Variants in WLS observed in about 807,000 individuals in gnomAD.
The protein encoded by WLS is Wnt ligand secretion mediator, also known as protein wntless homolog.
A neutral mutation model predicts 62.8 loss-of-function variants in WLS; 23 were observed. That is an observed-to-expected ratio of 0.37 (90% CI 0.26 to 0.52). The LOEUF (loss-of-function observed/expected upper bound fraction) is 0.52. Ranked by LOEUF, WLS falls within the 20% of genes least tolerant of loss-of-function variation. WLS has a pLI of 0.92. For missense variants in WLS, 615 were observed against 697.3 expected (o/e 0.88, Z 1.33); for synonymous variants, 246 against 244.1 (o/e 1.01, Z -0.07).
In WLS at chr1:68,134,821, A is replaced by G. The variant is rs997774602; in HGVS notation, c.1516+2959T>C. On this transcript the variant is annotated intron_variant, in intron 11 of 11. Transcript: ENST00000262348. ...GAGGAAGAGTGAAGTGCTTTTCTCA[A>G]TTGCAACATTTCAAGCCTAGGAGAC... Among the ~76,000 whole-genome samples, 48 of 152,186 alleles carry G rather than the reference A, an allele frequency of 3.2e-4. 1 individual carries two copies. The highest frequency in any genetic ancestry group is 3.0e-3 in the Admixed American group (46 of 15,288).
intron 1 of WLS, among the ~76,000 whole-genome samples, chr1:68,211,078 G>A (rs1340780788): frequency 6.6e-6 from 1 of 152,204 alleles, no homozygotes; most frequent in Non-Finnish European, 1.5e-5. Context: ...GACAGTTAGA[G>A]TAACAGTTGA....
intron 10 of WLS, 161 bp from the exon 11 acceptor site, chr1:68,138,094 T>C: frequency 1.2e-6 from 1 of 862,938 alleles, no homozygotes; most frequent in South Asian, 1.9e-5. Context: ...ATCATTTCGG[T>C]GTAAATTAAG....
At chr1:68,122,248 C>T (rs200212338), downstream of WLS, among the ~76,000 whole-genome samples, 2 of 152,178 alleles carry the variant, frequency 1.3e-5, no homozygotes, top group East Asian at 3.9e-4. Flanking sequence ...CCTCCCCTGA[C>T]ATTTCTCTTG....
At chr1:68,112,110 C>T (rs1646235451) in intron 11 of WLS, among the ~76,000 whole-genome samples, 2 of 152,218 alleles carry the variant, frequency 1.3e-5, no homozygotes, top group South Asian at 2.1e-4. Flanking sequence ...CCAACTGGGT[C>T]AGCGCCAGCC....
intron 10 of WLS, among the ~76,000 whole-genome samples, chr1:68,143,380 G>C (rs1646712346): frequency 6.6e-6 from 1 of 152,170 alleles, no homozygotes; most frequent in African/African-American, 2.4e-5. Context: ...CAAGCTTCTT[G>C]CTATTCATAA....
At chr1:68,195,953 A>C (rs1406068727) in intron 1 of WLS, among the ~76,000 whole-genome samples, 1 of 151,934 alleles carries the variant, frequency 6.6e-6, no homozygotes, top group Non-Finnish European at 1.5e-5. Context: ...TATCACTGTT[A>C]ATCTTTATGT....
intron 11 of WLS, among the ~76,000 whole-genome samples, chr1:68,128,777 C>T (rs1017911057): frequency 2.0e-5 from 3 of 152,168 alleles, no homozygotes; most frequent in African/African-American, 7.2e-5. Context: ...GCACTTAATT[C>T]TCATAGCAGT....
At chr1:68,157,456 C>T (rs1646914981) in intron 3 of WLS, among the ~76,000 whole-genome samples, 1 of 152,216 alleles carries the variant, frequency 6.6e-6, no homozygotes, top group South Asian at 2.1e-4. Context: ...AGTCCTGCCT[C>T]TGCCAGTATT....
intron 5 of WLS, 140 bp from the exon 6 acceptor site, chr1:68,150,496 G>T: frequency 1.7e-6 from 2 of 1,165,310 alleles, no homozygotes; most frequent in East Asian, 2.5e-5. Context: ...TCTGCACAGA[G>T]ATGCAAAACG....
At chr1:68,171,577 G>A (rs1647154340) in intron 2 of WLS, among the ~76,000 whole-genome samples, 1 of 152,156 alleles carries the variant, frequency 6.6e-6, no homozygotes, top group Admixed American at 6.5e-5. Context: ...CATCATCACT[G>A]GTCATCAGAG....
rs145636375 is a variant in WLS at position 68,111,540 on chromosome 1, G to A, written c.1511-12787C>T. ...GATTTTTTTGGTTGTCACAAGGACT[G>A]GGGGACCCTGCTGGCTAAATATCCT... On this transcript the variant is annotated intron_variant, in intron 11 of 11. Transcript: ENST00000354777. Among the ~76,000 whole-genome samples, 947 of 152,286 alleles carry A rather than the reference G, an allele frequency of 6.2e-3. 8 individuals carry two copies. The highest frequency in any genetic ancestry group is 0.022 in the African/African-American group (894 of 41,558).
chr1:68,121,971 A>T (rs1646368955), downstream of WLS, among the ~76,000 whole-genome samples: 1 of 152,140 alleles, frequency 6.6e-6, no homozygotes, highest in Non-Finnish European at 1.5e-5. Flanking sequence ...AAAACCTTCT[A>T]TTTCCTCTTT....
At chr1:68,112,933 G>C (rs1006023796) in intron 11 of WLS, among the ~76,000 whole-genome samples, 6 of 152,222 alleles carry the variant, frequency 3.9e-5, no homozygotes, top group African/African-American at 7.2e-5. Flanking sequence ...CCCTGCCTAG[G>C]TTGGCAGTGA....
chr1:68,177,790 A>C (rs1647324549), intron 2 of WLS, among the ~76,000 whole-genome samples: 2 of 152,144 alleles, frequency 1.3e-5, no homozygotes. Context: ...CACTGCGCCC[A>C]GCCAACTATT....
chr1:68,194,122 C>T lies in WLS; in HGVS notation c.212G>A (p.Cys71Tyr). 14 of 1,614,162 alleles carry T rather than the reference C, an allele frequency of 8.7e-6. No individual in the cohort carries two copies. Among genetic ancestry groups the T allele is most frequent in the Non-Finnish European group, 1.1e-5 (13 of 1,180,034 alleles). ...CTCTTCAATGTCTCGGATCTTGTCA[C>T]AATGATTGGGTCCCCAAGGCACGAA... is the stretch of plus-strand genomic sequence containing the variant. ...KWFVPWGPNH[C>Y]DKIRDIEEAI... Residue 71 changes from cysteine (C) to tyrosine (Y), a missense_variant, in exon 2 of 12, where the codon TGT (cysteine) becomes TAT (tyrosine). Physicochemically the swap from Cys to Tyr is radical, Grantham distance 194. Coordinates refer to ENST00000262348, the MANE Select transcript of WLS (RefSeq NM_024911.7).
At chr1:68,105,599 G>GA (rs1279108145) in intron 11 of WLS, among the ~76,000 whole-genome samples, 1 of 152,112 alleles carries the variant, frequency 6.6e-6, no homozygotes, top group African/African-American at 2.4e-5. Context: ...AAACCCAAAT[G>GA]AAAAAGGCAT....
intron 2 of WLS, among the ~76,000 whole-genome samples, chr1:68,177,850 G>A (rs1377551004): frequency 1.3e-5 from 2 of 152,180 alleles, no homozygotes; most frequent in African/African-American, 2.4e-5. Context: ...CTATGTAAAA[G>A]CCTCACATAC....
intron 2 of WLS, among the ~76,000 whole-genome samples, chr1:68,169,521 C>T (rs1647114935): frequency 6.6e-6 from 1 of 152,144 alleles, no homozygotes; most frequent in African/African-American, 2.4e-5. Flanking sequence ...CCAGATTTCC[C>T]TCTTGATATT....
chr1:68,220,589 A>C (rs1428960196), intron 1 of WLS, among the ~76,000 whole-genome samples: 3 of 152,232 alleles, frequency 2.0e-5, no homozygotes, highest in Non-Finnish European at 4.4e-5. Context: ...ACCACATTCC[A>C]TCAGTTATTA....
Sources: allele counts gnomAD v4.1 joint callset (sites outside exome capture counted in the v4.1 genomes callset), GRCh38; gene constraint gnomAD v4.1.1; transcripts MANE v1.5; gene names NCBI Gene and HGNC (gene_info 2026-07-23, HGNC 2026-07-21).